MTCH1: variants seen among roughly 807,000 people sequenced by gnomAD.
MTCH1 encodes mitochondrial carrier homolog 1.
MTCH1 carries 23 observed loss-of-function variants against 49.3 expected under a neutral mutation model. The observed-to-expected ratio is 0.47, with a 90% CI of 0.34 to 0.66. The LOEUF is 0.66. MTCH1 is among the 30% of genes least tolerant of loss of function. MTCH1 has a pLI of 0.01. For synonymous variants in MTCH1, 229 were observed against 215.2 expected, an observed-to-expected ratio of 1.06 and a Z score of -0.56; for missense variants, 397 against 532.1, an observed-to-expected ratio of 0.75 and a Z score of 2.50.
At chr6:36,976,950 C>T (rs995978798) in intron 6 of MTCH1, among the ~76,000 whole-genome samples, 2 of 152,214 alleles carry the variant, frequency 1.3e-5, no homozygotes, top group Non-Finnish European at 2.9e-5. Context: ...AAGCTGACTA[C>T]AATCCCACTC....
At position 36,982,270 on chromosome 6, in the gene MTCH1, G is replaced by A. The variant is rs750365922; in HGVS notation, c.322-598C>T. On this transcript the variant is annotated intron_variant, in intron 1 of 11. Transcript: ENST00000373627. The surrounding 1 kb of genome is among the most constrained non-coding windows in gnomAD (Gnocchi z 4.1). ...ACTCCTCAAACATATCCTTAGCTGC[G>A]TTCTCACCTCAATCACCCTACATCC... Among the ~76,000 whole-genome samples the A allele has an allele frequency of 5.3e-5, 8 of 151,954 alleles. No homozygotes were observed. Among genetic ancestry groups the A allele is most frequent in the Non-Finnish European group, 8.8e-5 (6 of 68,016 alleles).
intron 2 of MTCH1, among the ~76,000 whole-genome samples, chr6:36,981,242 A>T (rs1307230583): frequency 6.6e-6 from 1 of 152,152 alleles, no homozygotes; most frequent in Non-Finnish European, 1.5e-5. Flanking sequence ...ACAGGACAAA[A>T]GGAAATCACC....
Position 36,972,270 on chromosome 6 carries a change from G to T in MTCH1, c.906+382C>A, listed in dbSNP as rs904478961. Among the ~76,000 whole-genome samples the T allele has an allele frequency of 1.3e-5, 2 of 152,082 alleles. No individual in the cohort carries two copies. Among genetic ancestry groups the T allele is most frequent in the Admixed American group, 1.3e-4 (2 of 15,270 alleles). On this transcript the variant is annotated intron_variant, in intron 8 of 11. Transcript: ENST00000373627. The surrounding 1 kb of genome is among the most constrained non-coding windows in gnomAD (Gnocchi z 4.1). ...CAACTAGGATGCCGTCAGATCAAAG[G>T]CCATAACGTTCACAAAAGGGTTTTA...
In MTCH1 at chr6:36,974,452, G is replaced by A. The variant is rs948299178; in HGVS notation, c.761+1206C>T. Reference sequence around the variant, plus strand: ...ACTCCTGGCCTCAAGTAATCCTCCCGCCTTGGTCTCCTGACAGCTGCAGAA... The same window carrying A: ...ACTCCTGGCCTCAAGTAATCCTCCCACCTTGGTCTCCTGACAGCTGCAGAA... On this transcript the variant is annotated intron_variant, in intron 7 of 11. Transcript: ENST00000373627. 4.6e-5 allele frequency among the ~76,000 whole-genome samples: 7 copies of A among 152,092 alleles called. No individual in the cohort carries two copies. The East Asian group carries it at 5.8e-4, about 13-fold the overall frequency.
At chr6:36,973,084 C>T (rs1008867882) in intron 7 of MTCH1, among the ~76,000 whole-genome samples, 10 of 152,096 alleles carry the variant, frequency 6.6e-5, no homozygotes, top group African/African-American at 2.4e-4. Context: ...TGAATACTGC[C>T]AAATTTGGAA....
Position 36,970,469 on chromosome 6 carries a change from G to A in MTCH1, c.959C>T (p.Ala320Val). 6.2e-7 allele frequency: 1 copy of A among 1,614,178 alleles called. No homozygotes were observed. The highest frequency in any genetic ancestry group is 2.2e-5 in the East Asian group (1 of 44,886). ...RSYTKFVMGI[A>V]VSMLTYPFLL... The stretch of plus-strand genomic sequence containing the variant: ...GAAGGGGTAGGTCAGCATGCTCACT[G>A]CAATCTGAAACCCAGAGAGGCCTGA... Residue 320 changes from alanine (A) to valine (V), a missense_variant, in exon 10 of 12, where the codon GCA (alanine) becomes GTA (valine). Physicochemically the swap from Ala to Val is moderately conservative, Grantham distance 64. Around this residue, in one of 2 missense-constraint regions of MTCH1, gnomAD observed 252 missense variants for 388.3 expected, o/e 0.65. Coordinates refer to ENST00000373627, the MANE Select transcript of MTCH1 (RefSeq NM_001271641.2).
chr6:36,978,213 G>T, intron 3 of MTCH1, 58 bp from the exon 4 acceptor site: 2 of 1,463,768 alleles, frequency 1.4e-6, no homozygotes, highest in South Asian at 1.1e-5. Context: ...GGAACTCTTC[G>T]GGGACTTGGG....
chr6:36,972,150 ACT>A lies in MTCH1; in HGVS notation c.906+500_906+501del, dbSNP rs764637030. 6.6e-6 allele frequency among the ~76,000 whole-genome samples: 1 copy of A among 151,824 alleles called. No individual in the cohort carries two copies. The highest frequency in any genetic ancestry group is 1.5e-5 in the Non-Finnish European group (1 of 67,952). On this transcript the variant is annotated intron_variant, in intron 8 of 11. Transcript: ENST00000373627. The surrounding 1 kb of genome is among the most constrained non-coding windows in gnomAD (Gnocchi z 4.1). ...CAGCCCTGTCAGTTCCAGCTGAGTG[ACT>A]CTGGAGAGCCCAGAGCCTCTCCAGA...
At chr6:36,975,431 C>T (rs1763838486) in intron 7 of MTCH1, among the ~76,000 whole-genome samples, 1 of 152,216 alleles carries the variant, frequency 6.6e-6, no homozygotes, top group African/African-American at 2.4e-5. Flanking sequence ...AGTTCATCTC[C>T]CCCATGTACT....
intron 11 of MTCH1, chr6:36,969,278 G>A (rs1365570658): frequency 1.0e-6 from 1 of 985,342 alleles, no homozygotes; most frequent in Non-Finnish European, 1.2e-6. Context: ...CTCATAGGGA[G>A]GACGAGACAC....
intron 11 of MTCH1, 129 bp from the exon 12 acceptor site, chr6:36,969,103 C>T (rs1487702374): frequency 4.8e-6 from 7 of 1,448,004 alleles, no homozygotes; most frequent in African/African-American, 2.9e-5. Flanking sequence ...TGGACGGCCT[C>T]GGCCTACATC....
intron 2 of MTCH1, among the ~76,000 whole-genome samples, chr6:36,980,700 A>G (rs1764054791): frequency 6.6e-6 from 1 of 152,238 alleles, no homozygotes; most frequent in South Asian, 2.1e-4. Context: ...TATTCTAGAC[A>G]ACCAAACAGG....
Position 36,972,886 on chromosome 6 carries a change from G to A in MTCH1, c.762-90C>T, listed in dbSNP as rs528580592. On this transcript the variant is annotated intron_variant, in intron 7 of 11. Transcript: ENST00000373627. This position sits in a 1 kb window ranked among gnomAD's most constrained non-coding sequence, Gnocchi z 4.1. ...CCCAGGAAGCAGGCAGGGATGTTCC[G>A]AGCTCAAAATCTTAGCATATCCAAT... 15 of 1,346,152 alleles carry A rather than the reference G, an allele frequency of 1.1e-5. No individual in the cohort carries two copies. Among genetic ancestry groups the A allele is most frequent in the African/African-American group, 7.3e-5 (5 of 68,468 alleles). 83.4% of individuals were successfully genotyped at this position (1,346,152 alleles called of 1,614,324 possible).
At chr6:36,979,298 G>C (rs1218935602) in intron 2 of MTCH1, among the ~76,000 whole-genome samples, 1 of 152,190 alleles carries the variant, frequency 6.6e-6, no homozygotes, top group East Asian at 1.9e-4. Flanking sequence ...ATGGAAGCTA[G>C]ACCCTACCTG....
At chr6:36,975,597 G>C in intron 7 of MTCH1, 61 bp downstream of exon 7, 1 of 1,530,774 alleles carries the variant, frequency 6.5e-7, no homozygotes, top group Non-Finnish European at 9.1e-7. Flanking sequence ...GAGAGGTTGA[G>C]GACACACCTG....
rs1309021931 is a variant in MTCH1 at position 36,982,617 on chromosome 6, G to A, written c.322-945C>T. ...TTGGTCAGGCTGGTCTCGAACTCCC[G>A]ACCTCAGGTGATCCACCCGCCTCGG... On this transcript the variant is annotated intron_variant, in intron 1 of 11. Transcript: ENST00000373627. The surrounding 1 kb of genome is among the most constrained non-coding windows in gnomAD (Gnocchi z 4.1). 1.3e-5 allele frequency among the ~76,000 whole-genome samples: 2 copies of A among 152,144 alleles called. No individual in the cohort carries two copies. Among genetic ancestry groups the A allele is most frequent in the Non-Finnish European group, 2.9e-5 (2 of 68,020 alleles).
Position 36,982,709 on chromosome 6 carries a change from C to T in MTCH1, c.322-1037G>A, listed in dbSNP as rs72848022. Among the ~76,000 whole-genome samples, 4,115 of 152,266 alleles carry T rather than the reference C, an allele frequency of 0.027. 81 individuals are homozygous for T. Among genetic ancestry groups the T allele is most frequent in the Non-Finnish European group, 0.039 (2,636 of 68,006 alleles). On this transcript the variant is annotated intron_variant, in intron 1 of 11. Coordinates refer to ENST00000373627, the MANE Select transcript of MTCH1 (RefSeq NM_001271641.2). The surrounding 1 kb of genome is among the most constrained non-coding windows in gnomAD (Gnocchi z 4.1). ...CAGCCTGAAATATTTATTAAACCCG[C>T]GGGTGGGTGAAGGACCATCCATATC...
In MTCH1 at chr6:36,977,998, A is replaced by C; in HGVS notation, c.591+80T>G. The C allele has an allele frequency of 7.7e-7, 1 of 1,304,448 alleles. No homozygotes were observed. 80.8% of individuals were successfully genotyped at this position (1,304,448 alleles called of 1,614,324 possible). On this transcript the variant is annotated intron_variant, in intron 4 of 11. Coordinates refer to ENST00000373627, the MANE Select transcript of MTCH1 (RefSeq NM_001271641.2). The surrounding 1 kb of genome is among the most constrained non-coding windows in gnomAD (Gnocchi z 5.4). ...CAAGGACCCAACTCTTCGACTTGTC[A>C]ATGACCCGCCCAACTTGGGGGTGAG...
In MTCH1 at chr6:36,972,256, C is replaced by G. The variant is rs944331691; in HGVS notation, c.906+396G>C. Among the ~76,000 whole-genome samples the G allele has an allele frequency of 1.3e-5, 2 of 152,120 alleles. No homozygotes were observed. The highest frequency in any genetic ancestry group is 2.9e-5 in the Non-Finnish European group (2 of 68,026). On this transcript the variant is annotated intron_variant, in intron 8 of 11. Coordinates refer to ENST00000373627, the MANE Select transcript of MTCH1 (RefSeq NM_001271641.2). The surrounding 1 kb of genome is among the most constrained non-coding windows in gnomAD (Gnocchi z 4.1). ...CCCTGTTCCCTTCACAACTAGGATG[C>G]CGTCAGATCAAAGGCCATAACGTTC... is the stretch of plus-strand genomic sequence containing the variant.
Sources: allele counts gnomAD v4.1 joint callset (sites outside exome capture counted in the v4.1 genomes callset), GRCh38; gene constraint gnomAD v4.1.1; regional missense constraint gnomAD v4.1.1; non-coding constraint Gnocchi (gnomAD v3.1); transcripts MANE v1.5; gene names NCBI Gene and HGNC (gene_info 2026-07-23, HGNC 2026-07-21).